Variants in HAUS4 observed in about 807,000 individuals in gnomAD.
The protein encoded by HAUS4 is HAUS augmin-like complex subunit 4.
Under a neutral mutation model 50.6 loss-of-function variants are expected in HAUS4, and 34 were observed. That is an observed-to-expected ratio of 0.67 (90% CI 0.51 to 0.90). HAUS4 has a LOEUF of 0.90. HAUS4 is among the 40% of genes least tolerant of loss of function. HAUS4 has a pLI of 0.00. For synonymous variants in HAUS4, 149 were observed against 161.4 expected, an observed-to-expected ratio of 0.92 and a Z score of 0.58; for missense variants, 370 against 428.7, an observed-to-expected ratio of 0.86 and a Z score of 1.21.
rs1172188854 is a variant in HAUS4 at position 22,947,497 on chromosome 14, C to T, written c.839+104G>A. 2.4e-6 allele frequency: 3 copies of T among 1,268,428 alleles called. No individual in the cohort carries two copies. The African/African-American group carries it at 4.5e-5, about 19-fold the overall frequency. 78.6% of individuals were successfully genotyped at this position (1,268,428 alleles called of 1,614,324 possible). A position where few individuals can be genotyped will look rare whatever the true frequency, so the allele number is the denominator to read the frequency against. On this transcript the variant is annotated intron_variant, in intron 8 of 9. Transcript: ENST00000541587. ...CTGCTATGTGACATTTACTGGATAC[C>T]CACAAGGCGCTAGGATAAGGGAGAG... is the stretch of plus-strand genomic sequence containing the variant.
In HAUS4 at chr14:22,953,146, C is replaced by A. The variant is rs2044788165; in HGVS notation, c.56-463G>T. On this transcript the variant is annotated intron_variant, in intron 2 of 9. Transcript: ENST00000541587. ...TAGAGTAAGTTAAACGTTCAACTAA[C>A]CAATTTTTTTTTTTTCTTTTTGAGA... is the stretch of plus-strand genomic sequence containing the variant. Among the ~76,000 whole-genome samples, 4 of 151,998 alleles carry A rather than the reference C, an allele frequency of 2.6e-5. No individual in the cohort carries two copies. In the South Asian group the frequency reaches 8.3e-4, roughly 32 times the overall value.
Position 22,946,372 on chromosome 14 carries a change from C to T in HAUS4, c.*153G>A. On this transcript the variant is annotated 3_prime_UTR_variant, in exon 10 of 10. Transcript: ENST00000541587. The stretch of plus-strand genomic sequence containing the variant: ...CCAGTCATAAAAAATAAAGAGAAAC[C>T]AGGAGAGTGCCTAAATGACTGCAGT... 1 of 491,582 alleles carries T rather than the reference C, an allele frequency of 2.0e-6. No individual in the cohort carries two copies. The highest frequency in any genetic ancestry group is 3.2e-5 in the East Asian group (1 of 31,298). The allele number at this position is 491,582 out of a possible 1,614,324, so 30.5% of individuals were successfully genotyped here.
At chr14:22,954,730 CTTTT>C (rs551775168) in intron 2 of HAUS4, 10 of 139,352 alleles carry the variant, frequency 7.2e-5, no homozygotes, top group South Asian at 4.3e-4. Flanking sequence ...CTTATAAATC[CTTTT>C]TTTTTTTTTT....
rs200256150 is a variant in HAUS4, at chr14:22,950,128, C to CA, written c.562+185dup. Among the ~76,000 whole-genome samples, 327 of 111,972 alleles carry CA rather than the reference C, an allele frequency of 2.9e-3. 1 individual carries two copies. Among genetic ancestry groups the CA allele is most frequent in the African/African-American group, 6.7e-3 (159 of 23,694 alleles). The allele number at this position is 111,972 out of a possible 152,430, so 73.5% of individuals were successfully genotyped here. The stretch of plus-strand genomic sequence containing the variant: ...GGGCAACAGGAGCAAAACGCCATCT[C>CA]AAAAAAAAAAAAAAACAAAAAAACA... On this transcript the variant is annotated intron_variant, in intron 6 of 9. Coordinates refer to ENST00000541587, the MANE Select transcript of HAUS4 (RefSeq NM_001166269.2).
At chr14:22,947,817 TGC>T (rs753277781) in intron 7 of HAUS4, 49 bp downstream of exon 7, 9 of 1,609,654 alleles carry the variant, frequency 5.6e-6, no homozygotes, top group Non-Finnish European at 7.6e-6. Flanking sequence ...TCCCCAAAAG[TGC>T]TCCTGGGGTC....
chr14:22,947,206 G>GT lies in HAUS4; in HGVS notation c.872dup (p.Tyr291Ter), dbSNP rs2139289110. 3 of 1,609,276 alleles carry GT rather than the reference G, an allele frequency of 1.9e-6. No individual in the cohort carries two copies. The highest frequency in any genetic ancestry group is 2.6e-6 in the Non-Finnish European group (3 of 1,175,558). Reference sequence around the variant, plus strand: ...GATGAACTTCCACTTTCTCAACAGTGTAAGTGTCGGACAAAATCTTTAGCT... The same window carrying GT: ...GATGAACTTCCACTTTCTCAACAGTGTTAAGTGTCGGACAAAATCTTTAGCT... The part of the protein sequence containing the change: ...MEELKILSDT[Y>*]TVEKVEVHRL... The change falls in exon 9 of 10, where the codon TAC becomes TAAC. Residue 291 changes from tyrosine to a stop codon, truncating the protein, a stop_gained and frameshift_variant. Transcript: ENST00000541587. LOFTEE classifies it high-confidence loss of function.
At chr14:22,947,133 C>G in intron 9 of HAUS4, 38 bp downstream of exon 9, 1 of 1,293,006 alleles carries the variant, frequency 7.7e-7, no homozygotes, top group African/African-American at 1.4e-5. Flanking sequence ...GTGAGAACCA[C>G]CTGTGAACAG....
rs2044727438 is a variant in HAUS4 at position 22,950,176 on chromosome 14, C to T, written c.562+138G>A. The T allele has an allele frequency of 1.4e-5, 6 of 422,582 alleles. No individual in the cohort carries two copies. The Admixed American group carries it at 2.0e-4, about 14-fold the overall frequency. The allele number at this position is 422,582 out of a possible 1,614,324, so 26.2% of individuals were successfully genotyped here. ...ACAAAAAGTCCTTGTTTTTATTCTACCAGCAACAAAACAAATAAGCATCTC... is the reference window on the plus strand; with the variant it reads ...ACAAAAAGTCCTTGTTTTTATTCTATCAGCAACAAAACAAATAAGCATCTC... On this transcript the variant is annotated intron_variant, in intron 6 of 9. Coordinates refer to ENST00000541587, the MANE Select transcript of HAUS4 (RefSeq NM_001166269.2).
intron 6 of HAUS4, 134 bp from the exon 7 acceptor site, chr14:22,948,147 T>C: frequency 1.1e-6 from 1 of 944,566 alleles, no homozygotes; most frequent in Non-Finnish European, 1.5e-6. Context: ...TAATAATCTA[T>C]TAAAAATGGC....
intron 6 of HAUS4, among the ~76,000 whole-genome samples, chr14:22,949,357 G>A (rs1274330599): frequency 6.6e-5 from 10 of 151,348 alleles, no homozygotes; most frequent in South Asian, 2.1e-4. Context: ...GTGAAACCCC[G>A]TCTCTACTAA....
chr14:22,953,386 C>T (rs1566647985), intron 2 of HAUS4, among the ~76,000 whole-genome samples: 1 of 152,072 alleles, frequency 6.6e-6, no homozygotes, highest in South Asian at 2.1e-4. Context: ...ATCCTCCCAC[C>T]TTGGCATCTC....
intron 2 of HAUS4, among the ~76,000 whole-genome samples, chr14:22,954,019 T>C (rs1037315320): frequency 1.6e-4 from 24 of 151,646 alleles, no homozygotes; most frequent in African/African-American, 4.8e-4. Context: ...CCGCCCGCCT[T>C]GGCCTCCCAA....
Position 22,952,344 on chromosome 14 carries a change from G to A in HAUS4, c.314C>T (p.Thr105Ile), listed in dbSNP as rs747480764. Residue 105 changes from threonine to isoleucine, a missense_variant, in exon 4 of 10, where the codon ACT becomes ATT. By Grantham distance (89) the Thr-to-Ile change is moderately conservative (BLOSUM62 -1). Coordinates refer to ENST00000541587, the MANE Select transcript of HAUS4 (RefSeq NM_001166269.2). ...TTGCCTCACCTTTTTGTCCTCAGAAGTTACATTTGTGTCTTGTATCTTCAC... is the reference window on the plus strand; with the variant it reads ...TTGCCTCACCTTTTTGTCCTCAGAAATTACATTTGTGTCTTGTATCTTCAC... ...YYVKIQDTNV[T>I]SEDKKFHETL... is the part of the protein sequence containing the mutation. The A allele has an allele frequency of 6.2e-7, 1 of 1,613,912 alleles. No homozygotes were observed. Among genetic ancestry groups the A allele is most frequent in the South Asian group, 1.1e-5 (1 of 91,074 alleles).
Position 22,951,604 on chromosome 14 carries a change from A to C in HAUS4, c.416T>G (p.Leu139Arg). ...GPSQEREIPPLLGLEKADLLE... is the reference protein window; with the variant it reads ...GPSQEREIPPRLGLEKADLLE... ...AAGGTCCGCTTTCTCCAGCCCCAGC[A>C]GTGGAGGTATCTCCCTCTCCTGGCT... Residue 139 changes from leucine to arginine, a missense_variant, in exon 5 of 10, where the codon CTG becomes CGG. Transcript: ENST00000541587. 6.2e-7 allele frequency: 1 copy of C among 1,614,066 alleles called. No homozygotes were observed. Among genetic ancestry groups the C allele is most frequent in the Non-Finnish European group, 8.5e-7 (1 of 1,179,956 alleles).
At chr14:22,956,540 C>T (rs1186796526) in intron 1 of HAUS4, among the ~76,000 whole-genome samples, 2 of 152,150 alleles carry the variant, frequency 1.3e-5, no homozygotes, top group Non-Finnish European at 2.9e-5. Context: ...CCTTTCTTTA[C>T]CCTTCTTAAA....
Position 22,950,300 on chromosome 14 carries a change from CAGCT to C in HAUS4, c.562+10_562+13del. 1 of 1,454,940 alleles carries C rather than the reference CAGCT, an allele frequency of 6.9e-7. No individual in the cohort carries two copies. Among genetic ancestry groups the C allele is most frequent in the Non-Finnish European group, 9.7e-7 (1 of 1,034,796 alleles). The allele number at this position is 1,454,940 out of a possible 1,614,324, so 90.1% of individuals were successfully genotyped here. A position where few individuals can be genotyped will look rare whatever the true frequency, so the allele number is the denominator to read the frequency against. On this transcript the variant is annotated intron_variant, in intron 6 of 9. Coordinates refer to ENST00000541587, the MANE Select transcript of HAUS4 (RefSeq NM_001166269.2). ...GAAGTCCAGCTGTGAGCAGAACAGA[CAGCT>C]AGCACTCACCTGAATTGGGATCATA... is the stretch of plus-strand genomic sequence containing the variant.
intron 6 of HAUS4, chr14:22,948,233 G>A: frequency 3.8e-6 from 2 of 523,870 alleles, no homozygotes; most frequent in Non-Finnish European, 6.7e-6. Flanking sequence ...AGGATTGCTT[G>A]AGCCCAAGAG....
chr14:22,951,193 C>T (rs577772758), intron 5 of HAUS4, among the ~76,000 whole-genome samples: 1 of 150,110 alleles, frequency 6.7e-6, no homozygotes, highest in Non-Finnish European at 1.5e-5. Flanking sequence ...TTGGTAGAGA[C>T]GAGGTCTCAC....
chr14:22,947,333 G>T, intron 8 of HAUS4, 94 bp from the exon 9 acceptor site: 1 of 883,388 alleles, frequency 1.1e-6, no homozygotes, highest in East Asian at 2.5e-5. Context: ...GTCAAGGTGT[G>T]GGCTAAGCAC....
Sources: allele counts gnomAD v4.1 joint callset (sites outside exome capture counted in the v4.1 genomes callset), GRCh38; gene constraint gnomAD v4.1.1; transcripts MANE v1.5; gene names NCBI Gene and HGNC (gene_info 2026-07-23, HGNC 2026-07-21).